Variants in NHSL1 observed in about 807,000 individuals in gnomAD.
The protein encoded by NHSL1 is NHS like 1, also known as NHS-like protein 1.
A neutral mutation model predicts 95.0 loss-of-function variants in NHSL1; 48 were observed. The ratio of observed to expected loss-of-function variants is 0.51; its 90% confidence interval spans 0.40 to 0.64. The LOEUF (loss-of-function observed/expected upper bound fraction) is 0.64, where lower values mean the gene tolerates loss of function less well. Ranked by LOEUF, NHSL1 falls within the 30% of genes least tolerant of loss-of-function variation. The pLI is 0.00. For synonymous variants in NHSL1, 783 were observed against 833.9 expected, an observed-to-expected ratio of 0.94 and a Z score of 1.05; for missense variants, 1,971 against 2,077.7, an observed-to-expected ratio of 0.95 and a Z score of 1.00.
intron 1 of NHSL1, among the ~76,000 whole-genome samples, chr6:138,585,893 A>C (rs1383891811): frequency 4.6e-5 from 7 of 151,596 alleles, no homozygotes; most frequent in Admixed American, 1.3e-4. Flanking sequence ...AAAAAAAAAA[A>C]CTTAAAAATT....
chr6:138,446,150 G>A (rs1776851723), intron 4 of NHSL1, among the ~76,000 whole-genome samples: 1 of 151,240 alleles, frequency 6.6e-6, no homozygotes, highest in African/African-American at 2.4e-5. Context: ...CAATTCTCCT[G>A]CCTCAGACTC....
chr6:138,591,915 G>C (rs1352280026), intron 1 of NHSL1, among the ~76,000 whole-genome samples: 5 of 152,130 alleles, frequency 3.3e-5, no homozygotes, highest in African/African-American at 1.2e-4. Context: ...AAAACATAAT[G>C]TATCTAGGGT....
At chr6:138,469,141 G>A (rs1327966486) in intron 3 of NHSL1, among the ~76,000 whole-genome samples, 1 of 152,114 alleles carries the variant, frequency 6.6e-6, no homozygotes, top group African/African-American at 2.4e-5. Flanking sequence ...TGGCAGGAAG[G>A]GCCATGAAGA....
chr6:138,513,063 C>A (rs1002884858), intron 1 of NHSL1, among the ~76,000 whole-genome samples: 1 of 152,190 alleles, frequency 6.6e-6, no homozygotes, highest in African/African-American at 2.4e-5. Context: ...ATGGCAGACA[C>A]CCCCTCTGAT....
intron 1 of NHSL1, among the ~76,000 whole-genome samples, chr6:138,562,588 G>C (rs1783453575): frequency 6.6e-6 from 1 of 151,458 alleles, no homozygotes; most frequent in Admixed American, 6.6e-5. Context: ...TTTGAACCCT[G>C]GAGGTGGAGA....
intron 1 of NHSL1, among the ~76,000 whole-genome samples, chr6:138,662,063 G>C (rs993032315): frequency 2.0e-5 from 3 of 151,496 alleles, no homozygotes; most frequent in Non-Finnish European, 2.9e-5. Flanking sequence ...AACAGACGGA[G>C]ACCCATCTCT....
Position 138,670,393 on chromosome 6 carries a change from G to A in NHSL1, c.96+22083C>T, listed in dbSNP as rs572061900. 1.2e-3 allele frequency among the ~76,000 whole-genome samples: 180 copies of A among 151,302 alleles called. 1 individual carries two copies. Among genetic ancestry groups the A allele is most frequent in the Non-Finnish European group, 2.2e-3 (146 of 67,818 alleles). ...GGTAAAAAAAAAAAAAAGGCCGGGC[G>A]CGGTGGCTCACGCCTATAATCCCAG... On this transcript the variant is annotated intron_variant, in intron 1 of 3. Transcript: ENST00000491526.
chr6:138,496,600 G>A (rs1780368735), intron 1 of NHSL1, among the ~76,000 whole-genome samples: 1 of 152,126 alleles, frequency 6.6e-6, no homozygotes, highest in Non-Finnish European at 1.5e-5. Context: ...TGTTTTCATA[G>A]AATCATTTGC....
At chr6:138,649,663 C>T (rs571471228) in intron 1 of NHSL1, among the ~76,000 whole-genome samples, 10 of 152,236 alleles carry the variant, frequency 6.6e-5, no homozygotes, top group African/African-American at 2.4e-4. Flanking sequence ...CATGATTTCC[C>T]ATTCAGAGGA....
intron 2 of NHSL1, among the ~76,000 whole-genome samples, chr6:138,493,314 A>G (rs1199550390): frequency 6.6e-6 from 1 of 152,260 alleles, no homozygotes; most frequent in Non-Finnish European, 1.5e-5. Context: ...AGAGCATTAA[A>G]GCAATTATGA....
At chr6:138,498,217 A>G (rs1780470568) in intron 1 of NHSL1, among the ~76,000 whole-genome samples, 1 of 152,232 alleles carries the variant, frequency 6.6e-6, no homozygotes, top group African/African-American at 2.4e-5. Flanking sequence ...CAGAGTTAGA[A>G]ACTATTGAAA....
At chr6:138,539,778 A>C (rs544866832) in intron 1 of NHSL1, among the ~76,000 whole-genome samples, 5 of 152,350 alleles carry the variant, frequency 3.3e-5, no homozygotes, top group Non-Finnish European at 5.9e-5. Flanking sequence ...AGAAACAAGC[A>C]GACCCCAAGT....
chr6:138,668,883 A>G (rs1180678025), intron 1 of NHSL1, among the ~76,000 whole-genome samples: 1 of 152,088 alleles, frequency 6.6e-6, no homozygotes, highest in Non-Finnish European at 1.5e-5. Context: ...CGGCCTCCCA[A>G]AGTGCTGGGA....
At chr6:138,629,876 A>G (rs1444453234) in intron 1 of NHSL1, among the ~76,000 whole-genome samples, 2 of 152,274 alleles carry the variant, frequency 1.3e-5, no homozygotes, top group Non-Finnish European at 2.9e-5. Flanking sequence ...ATAAAGTTGT[A>G]TAGTCTACAG....
chr6:138,496,372 C>T lies in NHSL1; in HGVS notation c.59-1G>A, dbSNP rs199977393. ...CTTTCCTCATCTAGGTTGGAAACCG[C>T]TATAGAAAAAAAGATAGAATACATT... On this transcript the variant is annotated splice_acceptor_variant, in intron 1 of 7. Coordinates refer to ENST00000343505, the MANE Select transcript of NHSL1 (RefSeq NM_001144060.2). LOFTEE classifies it high-confidence loss of function. The T allele has an allele frequency of 6.5e-7, 1 of 1,549,756 alleles. No homozygotes were observed. Among genetic ancestry groups the T allele is most frequent in the Non-Finnish European group, 8.7e-7 (1 of 1,146,738 alleles).
chr6:138,437,345 CATATATATATACACAT>C (rs1229768787), intron 5 of NHSL1, among the ~76,000 whole-genome samples: 5 of 96,398 alleles, frequency 5.2e-5, no homozygotes, highest in South Asian at 3.2e-4. Flanking sequence ...TATATATACA[CATATATATATACACAT>C]ATATATATAT....
At chr6:138,692,993 C>T (rs1299469045), upstream of NHSL1, among the ~76,000 whole-genome samples, 5 of 151,078 alleles carry the variant, frequency 3.3e-5, no homozygotes, top group African/African-American at 9.7e-5. This position sits in a 1 kb window ranked among gnomAD's most constrained non-coding sequence, Gnocchi z 4.0. Flanking sequence ...GGGGTCCGAG[C>T]CGTGGCTGCC....
At position 138,431,981 on chromosome 6, in the gene NHSL1, G is replaced by T; in HGVS notation, c.2364C>A (p.Gly788=). The change falls in exon 6 of 8, where the codon GGC becomes GGA. Residue 788 remains glycine, a synonymous_variant. Coordinates refer to ENST00000343505, the MANE Select transcript of NHSL1 (RefSeq NM_001144060.2). The surrounding 1 kb of genome is among the most constrained non-coding windows in gnomAD (Gnocchi z 4.0). The part of the protein sequence containing the change: ...DPWGYYIDYT[G]MQEDPGNPAG... Reference sequence around the variant, plus strand: ...CCGGGTTCCCCGGATCTTCCTGCATGCCCGTGTAGTCAATGTAATAACCCC... The same window carrying T: ...CCGGGTTCCCCGGATCTTCCTGCATTCCCGTGTAGTCAATGTAATAACCCC... 6.4e-7 allele frequency: 1 copy of T among 1,551,752 alleles called. No individual in the cohort carries two copies. Among genetic ancestry groups the T allele is most frequent in the Non-Finnish European group, 8.7e-7 (1 of 1,146,992 alleles).
At chr6:138,579,168 C>T (rs1202635531) in intron 1 of NHSL1, among the ~76,000 whole-genome samples, 1 of 152,238 alleles carries the variant, frequency 6.6e-6, no homozygotes, top group Non-Finnish European at 1.5e-5. Flanking sequence ...CGCTTGCCCA[C>T]AGCTCCCCTC....
Sources: gnomAD v4.1 joint callset for allele counts (sites outside exome capture counted in the v4.1 genomes callset) on GRCh38, gnomAD v4.1.1 for gene constraint, Gnocchi (gnomAD v3.1) non-coding constraint, MANE v1.5 for transcripts, NCBI Gene and HGNC (gene_info 2026-07-23, HGNC 2026-07-21) for gene names.